The following NPAS2 variants were observed in gnomAD, a reference collection of about 807,000 sequenced individuals.
NPAS2 encodes the protein neuronal PAS domain protein 2.
A neutral mutation model predicts 107.5 loss-of-function variants in NPAS2; 23 were observed. That is an observed-to-expected ratio of 0.21 (90% CI 0.15 to 0.30). The LOEUF is 0.30. Among genes scored for constraint, NPAS2 ranks in the 10% least tolerant of loss-of-function variants. The pLI is 1.00. For synonymous variants in NPAS2, 403 were observed against 417.5 expected (o/e 0.97, Z 0.42); for missense variants, 756 against 1,043.3 (o/e 0.72, Z 3.79).
At chr2:100,876,353 TGCTCAGG>T (rs1439388146) in intron 1 of NPAS2, among the ~76,000 whole-genome samples, 1 of 152,230 alleles carries the variant, frequency 6.6e-6, no homozygotes, top group Non-Finnish European at 1.5e-5. Context: ...CCACGCCTGC[TGCTCAGG>T]GCCCCATCAC....
At chr2:100,829,240 A>C (rs1239781932) in intron 1 of NPAS2, among the ~76,000 whole-genome samples, 1 of 149,112 alleles carries the variant, frequency 6.7e-6, no homozygotes, top group Non-Finnish European at 1.5e-5. Flanking sequence ...GCTGGATTGC[A>C]GTGGCGCAAT....
At chr2:100,840,172 GGCTTCTAAGATCCTGCCCACAGGGGTC>G (rs1677306017) in intron 1 of NPAS2, among the ~76,000 whole-genome samples, 1 of 152,070 alleles carries the variant, frequency 6.6e-6, no homozygotes. Flanking sequence ...GGACAGCTCT[GGCTTCTAAGATCCTGCCCACAGGGGTC>G]GAATGTCTGT....
intron 1 of NPAS2, among the ~76,000 whole-genome samples, chr2:100,829,753 T>G (rs1314118300): frequency 2.0e-5 from 3 of 152,116 alleles, no homozygotes; most frequent in Non-Finnish European, 4.4e-5. Flanking sequence ...AGGGGAATGC[T>G]CTTAAAACAT....
chr2:100,963,997 G>A, intron 7 of NPAS2, 61 bp from the exon 8 acceptor site: 1 of 1,021,890 alleles, frequency 9.8e-7, no homozygotes, highest in Admixed American at 1.8e-5. Context: ...TGCCAACTAG[G>A]GATTGGCTGC....
At chr2:100,951,812 C>T (rs6758160) in intron 7 of NPAS2, among the ~76,000 whole-genome samples, 95,749 of 151,910 alleles carry the variant, frequency 0.63, 30,478 homozygotes, top group African/African-American at 0.72. Flanking sequence ...CACTTCAAAA[C>T]GGTTACGATG....
chr2:100,988,246 G>A lies in NPAS2; in HGVS notation c.1797G>A (p.Leu599=). The stretch of plus-strand genomic sequence containing the variant: ...CTGCCCAGGTCACAAGCCAGCACCT[G>A]CTCAGAGAATCAAGTGTGATATCAA... ...ISSAQVTSQH[L]LRESSVISTQ... is the part of the protein sequence containing the mutation. Residue 599 remains leucine (L), a synonymous_variant, in exon 17 of 21, where the codon CTG becomes CTA. Transcript: ENST00000335681. 1 of 1,613,954 alleles carries A rather than the reference G, an allele frequency of 6.2e-7. No individual in the cohort carries two copies. Among genetic ancestry groups the A allele is most frequent in the Non-Finnish European group, 8.5e-7 (1 of 1,180,030 alleles).
intron 1 of NPAS2, among the ~76,000 whole-genome samples, chr2:100,881,634 T>A (rs2104636093): frequency 6.6e-6 from 1 of 151,702 alleles, no homozygotes; most frequent in Non-Finnish European, 1.5e-5. Context: ...TGCGGTGAGC[T>A]GAGATCACAG....
In NPAS2 at chr2:100,983,729, C is replaced by T. The variant is rs561160812; in HGVS notation, c.1629+1352C>T. 10 of 152,380 alleles carry T rather than the reference C, an allele frequency of 6.6e-5. No individual in the cohort carries two copies. The East Asian group carries it at 1.7e-3, about 26-fold the overall frequency. 9.4% of individuals were successfully genotyped at this position (152,380 alleles called of 1,614,324 possible). A position where few individuals can be genotyped will look rare whatever the true frequency, so the allele number is the denominator to read the frequency against. ...GCCTTCTCGTGAAAAGAAATGGAGT[C>T]ACCGAGCTGCCATTCCACCTTTTAC... On this transcript the variant is annotated intron_variant, in intron 16 of 20. Transcript: ENST00000335681.
chr2:100,975,582 C>A lies in NPAS2; in HGVS notation c.1392+15C>A. The stretch of plus-strand genomic sequence containing the variant: ...CCACCATGCCGGTAAGTGTGTGACC[C>A]CAAACTCCTCCACGGGTGTACGCTA... On this transcript the variant is annotated intron_variant, in intron 14 of 20. Coordinates refer to ENST00000335681, the MANE Select transcript of NPAS2 (RefSeq NM_002518.4). 1 of 1,580,938 alleles carries A rather than the reference C, an allele frequency of 6.3e-7. No individual in the cohort carries two copies. The highest frequency in any genetic ancestry group is 8.7e-7 in the Non-Finnish European group (1 of 1,154,702).
At chr2:100,841,246 C>G (rs956376108) in intron 1 of NPAS2, among the ~76,000 whole-genome samples, 1 of 152,122 alleles carries the variant, frequency 6.6e-6, no homozygotes, top group Non-Finnish European at 1.5e-5. Context: ...AACAGCCTGG[C>G]CAACATGGCA....
intron 3 of NPAS2, among the ~76,000 whole-genome samples, chr2:100,925,805 T>G (rs112656448): frequency 6.6e-6 from 1 of 152,264 alleles, no homozygotes; most frequent in African/African-American, 2.4e-5. Flanking sequence ...ATATAATGTT[T>G]ATACCATAAA....
intron 2 of NPAS2, among the ~76,000 whole-genome samples, chr2:100,917,832 G>A (rs758754749): frequency 9.2e-5 from 14 of 152,132 alleles, no homozygotes; most frequent in Non-Finnish European, 1.8e-4. Flanking sequence ...GAAATCTCCA[G>A]ACCCAGATGA....
chr2:100,873,268 AAAAATACATATATAT>A (rs1293600891), intron 1 of NPAS2, among the ~76,000 whole-genome samples: 11 of 99,602 alleles, frequency 1.1e-4, no homozygotes, highest in African/African-American at 5.6e-4. Flanking sequence ...AAAAAAAAAA[AAAAATACATATATAT>A]ATATATATAT....
chr2:100,993,277 C>A, intron 19 of NPAS2, 70 bp from the exon 20 acceptor site: 1 of 1,392,092 alleles, frequency 7.2e-7, no homozygotes, highest in African/African-American at 1.5e-5. Context: ...TTCTTTGTTG[C>A]TCGTGCTTTT....
chr2:100,987,878 C>G, intron 16 of NPAS2: 2 of 644,470 alleles, frequency 3.1e-6, no homozygotes, highest in Admixed American at 2.6e-5. Context: ...GAGTGTCTCT[C>G]CAGCCCATGG....
chr2:100,982,726 T>C, intron 16 of NPAS2: 1 of 234,412 alleles, frequency 4.3e-6, no homozygotes, highest in Non-Finnish European at 8.3e-6. Context: ...CTCTATAACT[T>C]TGCTTTCCTA....
chr2:100,949,057 C>G (rs532496866), intron 6 of NPAS2, among the ~76,000 whole-genome samples: 1 of 152,128 alleles, frequency 6.6e-6, no homozygotes, highest in Non-Finnish European at 1.5e-5. Flanking sequence ...CTATATGAGC[C>G]GCTTTATTTT....
chr2:100,882,254 T>C (rs1680396613), intron 1 of NPAS2, among the ~76,000 whole-genome samples: 1 of 152,186 alleles, frequency 6.6e-6, no homozygotes. Flanking sequence ...TGTAGAATTG[T>C]GTCATTTGCC....
Position 100,887,901 on chromosome 2 carries a change from C to T in NPAS2, c.-22-16832C>T, listed in dbSNP as rs575796369. ...AGAACTGGGCTGTCAAGCTGACCTACTTTTCTTGTTTGCCCACAGCAGGCT... is the reference window on the plus strand; with the variant it reads ...AGAACTGGGCTGTCAAGCTGACCTATTTTTCTTGTTTGCCCACAGCAGGCT... On this transcript the variant is annotated intron_variant, in intron 1 of 20. Transcript: ENST00000335681. 3.3e-5 allele frequency among the ~76,000 whole-genome samples: 5 copies of T among 152,360 alleles called. No individual in the cohort carries two copies. In the South Asian group the frequency reaches 1.0e-3, roughly 32 times the overall value.
Sources: gnomAD v4.1 joint callset for allele counts (sites outside exome capture counted in the v4.1 genomes callset) on GRCh38, gnomAD v4.1.1 for gene constraint, MANE v1.5 for transcripts, NCBI Gene and HGNC (gene_info 2026-07-23, HGNC 2026-07-21) for gene names.